The following GGCT variants were observed in gnomAD, a reference collection of about 807,000 sequenced individuals.
GGCT encodes gamma-glutamylcyclotransferase.
A neutral mutation model predicts 22.1 loss-of-function variants in GGCT; 20 were observed. That is an observed-to-expected ratio of 0.91 (90% confidence interval 0.64 to 1.32). The LOEUF (loss-of-function observed/expected upper bound fraction) is 1.32, where lower values mean the gene tolerates loss of function less well. Ranked by LOEUF, GGCT falls within the 40% of genes most tolerant of loss-of-function variation. GGCT has a pLI of 0.00. For missense variants in GGCT, 209 were observed against 223.5 expected (o/e 0.94, Z 0.41); for synonymous variants, 72 against 78.4 (o/e 0.92, Z 0.43).
At chr7:30,498,192 AAGAAAG>A (rs1562741086) in intron 3 of GGCT, among the ~76,000 whole-genome samples, 1 of 151,040 alleles carries the variant, frequency 6.6e-6, no homozygotes, top group Non-Finnish European at 1.5e-5. Context: ...AAAAGAAAGA[AAGAAAG>A]AGAGAAAGAA....
Position 30,498,945 on chromosome 7 carries a change from C to A in GGCT, c.288-7G>T. On this transcript the variant is annotated splice_region_variant and splice_polypyrimidine_tract_variant and intron_variant, in intron 2 of 3. Coordinates refer to ENST00000275428, the MANE Select transcript of GGCT (RefSeq NM_024051.4). ...ACTTTTAACCCCTTCTTGCCTGAAACCAGAACAGCCAAATTTTAACCACAT... is the reference window on the plus strand; with the variant it reads ...ACTTTTAACCCCTTCTTGCCTGAAAACAGAACAGCCAAATTTTAACCACAT... The A allele has an allele frequency of 6.2e-7, 1 of 1,613,798 alleles. No individual in the cohort carries two copies. The highest frequency in any genetic ancestry group is 8.5e-7 in the Non-Finnish European group (1 of 1,179,810).
chr7:30,504,462 C>T (rs138914304), intron 1 of GGCT, 107 bp downstream of exon 1: 432 of 1,308,022 alleles, frequency 3.3e-4, no homozygotes, highest in Non-Finnish European at 7.2e-5. Flanking sequence ...CTAGTACCCT[C>T]ATCAAGAAGA....
chr7:30,504,112 G>C (rs2709782), intron 1 of GGCT, among the ~76,000 whole-genome samples: 2,489 of 152,318 alleles, frequency 0.016, 45 homozygotes, highest in South Asian at 0.08. Context: ...TTACAAATAA[G>C]ACATGGTCCC....
intron 1 of GGCT, among the ~76,000 whole-genome samples, chr7:30,504,348 G>C (rs1292931158): frequency 6.6e-6 from 1 of 152,264 alleles, no homozygotes; most frequent in Admixed American, 6.5e-5. Context: ...AAGGCCAGGA[G>C]GGGGAAAGCT....
At chr7:30,503,669 G>A (rs1789754417) in intron 1 of GGCT, among the ~76,000 whole-genome samples, 1 of 151,970 alleles carries the variant, frequency 6.6e-6, no homozygotes, top group Non-Finnish European at 1.5e-5. Context: ...GTTGTGTGAT[G>A]CCCACTGTAT....
chr7:30,501,769 G>T (rs1789708852), intron 1 of GGCT, among the ~76,000 whole-genome samples: 1 of 152,058 alleles, frequency 6.6e-6, no homozygotes, highest in African/African-American at 2.4e-5. Context: ...ATAATTCTAG[G>T]ATCCTTTTCA....
At chr7:30,497,628 C>CA in intron 3 of GGCT, 1 of 523,740 alleles carries the variant, frequency 1.9e-6, no homozygotes, top group Non-Finnish European at 3.0e-6. Context: ...CTGAATTGGA[C>CA]ATGGGGGAAT....
chr7:30,504,793 CG>C lies in GGCT; in HGVS notation c.-85del. On this transcript the variant is annotated 5_prime_UTR_variant, in exon 1 of 4. Coordinates refer to ENST00000275428, the MANE Select transcript of GGCT (RefSeq NM_024051.4). Reference sequence around the variant, plus strand: ...GCAACACTGGGGCCCACTACCCCGGCGCAGTGACCGCCGCGCGGCAGCCTCA... The same window carrying C: ...GCAACACTGGGGCCCACTACCCCGGCCAGTGACCGCCGCGCGGCAGCCTCA... 1 of 1,374,310 alleles carries C rather than the reference CG, an allele frequency of 7.3e-7. No individual in the cohort carries two copies. Among genetic ancestry groups the C allele is most frequent in the Non-Finnish European group, 1.0e-6 (1 of 974,254 alleles). The allele number at this position is 1,374,310 out of a possible 1,614,324, so 85.1% of individuals were successfully genotyped here.
intron 3 of GGCT, 131 bp downstream of exon 3, chr7:30,498,672 G>T: frequency 1.3e-6 from 1 of 777,364 alleles, no homozygotes; most frequent in Non-Finnish European, 2.1e-6. Context: ...GCCCGCCCCA[G>T]CCTTCCAAAG....
chr7:30,498,688 G>GC, intron 3 of GGCT, 115 bp downstream of exon 3: 1 of 876,760 alleles, frequency 1.1e-6, no homozygotes, highest in Non-Finnish European at 1.8e-6. Flanking sequence ...CAAAGTGGTG[G>GC]CATTACAGGC....
chr7:30,498,913 A>G lies in GGCT; in HGVS notation c.313T>C (p.Tyr105His). 1 of 1,613,930 alleles carries G rather than the reference A, an allele frequency of 6.2e-7. No homozygotes were observed. The highest frequency in any genetic ancestry group is 1.1e-5 in the South Asian group (1 of 91,074). ...DEQEGVKSGM[Y>H]VVIEVKVATQ... ...GCAACTTTAACTTCTATTACAACATACATTCCACTTTTAACCCCTTCTTGC... is the reference window on the plus strand; with the variant it reads ...GCAACTTTAACTTCTATTACAACATGCATTCCACTTTTAACCCCTTCTTGC... The change falls in exon 3 of 4, where the codon TAT becomes CAT. Residue 105 changes from tyrosine to histidine, a missense_variant. By Grantham distance (83) the Tyr-to-His change is moderately conservative. Coordinates refer to ENST00000275428, the MANE Select transcript of GGCT (RefSeq NM_024051.4).
At position 30,504,698 on chromosome 7, in the gene GGCT, C is replaced by T; in HGVS notation, c.12G>A (p.Ser4=). The T allele has an allele frequency of 6.2e-7, 1 of 1,614,118 alleles. No individual in the cohort carries two copies. The highest frequency in any genetic ancestry group is 8.5e-7 in the Non-Finnish European group (1 of 1,179,952). ...CTGGACCCGTGACGTCCTTGCAGCC[C>T]GAGTTGGCCATATCCCACTACGCCC... The part of the protein sequence containing the change: MAN[S]GCKDVTGPDE... The change falls in exon 1 of 4, where the codon TCG becomes TCA. Residue 4 remains serine (S), a synonymous_variant. Transcript: ENST00000275428.
intron 2 of GGCT, among the ~76,000 whole-genome samples, chr7:30,499,659 C>G (rs1789650509): frequency 6.6e-6 from 1 of 151,816 alleles, no homozygotes; most frequent in Admixed American, 6.6e-5. Context: ...TTGGGGTGAG[C>G]CGAGATCACG....
In GGCT at chr7:30,500,555, T is replaced by A. The variant is rs774851292; in HGVS notation, c.268A>T (p.Asn90Tyr). The A allele has an allele frequency of 2.1e-5, 34 of 1,613,276 alleles. No individual in the cohort carries two copies. Among genetic ancestry groups the A allele is most frequent in the Non-Finnish European group, 2.8e-5 (33 of 1,179,474 alleles). ...ACCTACTCATCCAGAGAATTTAAAT[T>A]GCTTTTGTTCATTTTCCATACTACT... Reference protein sequence around the residue: ...WGVVWKMNKSNLNSLDEQEGV... With the variant: ...WGVVWKMNKSYLNSLDEQEGV... Residue 90 changes from asparagine (N) to tyrosine (Y), a missense_variant, in exon 2 of 4, where the codon AAT becomes TAT. Coordinates refer to ENST00000275428, the MANE Select transcript of GGCT (RefSeq NM_024051.4).
rs751570484 is a variant in GGCT at position 30,504,600 on chromosome 7, G to A, written c.110C>T (p.Ser37Leu). The A allele has an allele frequency of 9.3e-6, 15 of 1,614,034 alleles. No homozygotes were observed. The highest frequency in any genetic ancestry group is 6.6e-5 in the South Asian group (6 of 91,090). ...LTERIHLRNP[S>L]AAFFCVARLQ... ...GCGGGCCACACAGAAGAACGCCGCC[G>A]AGGGGTTTCGGAGGTGGATCCTCTC... Residue 37 changes from serine to leucine, a missense_variant, in exon 1 of 4, where the codon TCG becomes TTG. Transcript: ENST00000275428.
chr7:30,498,182 AAAAG>A (rs57261043), intron 3 of GGCT, among the ~76,000 whole-genome samples: 76,759 of 148,464 alleles, frequency 0.52, 21,495 homozygotes, highest in Non-Finnish European at 0.64. Context: ...ATTGCCAGGC[AAAAG>A]AAAGAAAGAA....
At chr7:30,498,558 T>C (rs1203782306) in intron 3 of GGCT, among the ~76,000 whole-genome samples, 1 of 152,124 alleles carries the variant, frequency 6.6e-6, no homozygotes, top group Non-Finnish European at 1.5e-5. Context: ...TAGCTGGGAT[T>C]ACAGGTGCTC....
Position 30,497,238 on chromosome 7 carries a change from G to A in GGCT, c.424-3C>T. 3 of 1,593,458 alleles carry A rather than the reference G, an allele frequency of 1.9e-6. No individual in the cohort carries two copies. Among genetic ancestry groups the A allele is most frequent in the Non-Finnish European group, 2.6e-6 (3 of 1,172,446 alleles). On this transcript the variant is annotated splice_polypyrimidine_tract_variant and splice_region_variant and intron_variant, in intron 3 of 3. Transcript: ENST00000275428. ...TCTTTTGCACCCATGCAAATAATCT[G>A]GAAATGGTTAAAACAAACAGACAAA...
At chr7:30,503,654 G>C (rs557578876) in intron 1 of GGCT, among the ~76,000 whole-genome samples, 62 of 152,204 alleles carry the variant, frequency 4.1e-4, no homozygotes, top group African/African-American at 1.4e-3. Flanking sequence ...CCGTGGGCTG[G>C]TTCTGTTGTG....
Sources: gnomAD v4.1 joint callset for allele counts (sites outside exome capture counted in the v4.1 genomes callset) on GRCh38, gnomAD v4.1.1 for gene constraint, MANE v1.5 for transcripts, NCBI Gene and HGNC (gene_info 2026-07-23, HGNC 2026-07-21) for gene names.